Variants in KCNIP4 observed in about 807,000 individuals in gnomAD.
KCNIP4 encodes potassium voltage-gated channel interacting protein 4, also known as Kv channel-interacting protein 4.
In KCNIP4, 12 loss-of-function variants were observed where a neutral mutation model predicts 34.0. That is an observed-to-expected ratio of 0.35 (90% confidence interval 0.23 to 0.57). The LOEUF (loss-of-function observed/expected upper bound fraction) is 0.57. Ranked by LOEUF, KCNIP4 falls within the 20% of genes least tolerant of loss-of-function variation. The pLI is 0.83. For synonymous variants in KCNIP4, 124 were observed against 102.2 expected (o/e 1.21, Z -1.29); for missense variants, 238 against 311.7 (o/e 0.76, Z 1.78).
intron 1 of KCNIP4, among the ~76,000 whole-genome samples, chr4:21,499,176 C>CA (rs1175537291): frequency 6.6e-6 from 1 of 151,810 alleles, no homozygotes; most frequent in Non-Finnish European, 1.5e-5. Flanking sequence ...ACTAAAAATA[C>CA]AAAAATTAGT....
intron 1 of KCNIP4, among the ~76,000 whole-genome samples, chr4:21,362,389 GAA>G: frequency 6.6e-6 from 1 of 152,186 alleles, no homozygotes; most frequent in Non-Finnish European, 1.5e-5. Context: ...TCATAAAATT[GAA>G]ATAATAAGGA....
At chr4:20,966,200 C>A (rs1734331119) in intron 1 of KCNIP4, among the ~76,000 whole-genome samples, 1 of 152,086 alleles carries the variant, frequency 6.6e-6, no homozygotes, top group Admixed American at 6.6e-5. Context: ...TGCATTTTCC[C>A]CTGTAATTTG....
chr4:21,081,643 G>C (rs947926318), intron 1 of KCNIP4, among the ~76,000 whole-genome samples: 9 of 151,748 alleles, frequency 5.9e-5, no homozygotes, highest in Admixed American at 2.0e-4. Flanking sequence ...TGTGTTTTCT[G>C]TCAGTAATTT....
chr4:20,806,741 A>G (rs189463341), intron 3 of KCNIP4, among the ~76,000 whole-genome samples: 69 of 152,240 alleles, frequency 4.5e-4, no homozygotes, highest in African/African-American at 1.6e-3. Context: ...ATTTCAAAAG[A>G]TATTAAATAT....
chr4:21,673,525 T>C (rs1439429039), intron 1 of KCNIP4, among the ~76,000 whole-genome samples: 3 of 152,180 alleles, frequency 2.0e-5, no homozygotes, highest in Admixed American at 6.5e-5. Flanking sequence ...TAGAATGGCA[T>C]ATTTAAAAAA....
intron 1 of KCNIP4, among the ~76,000 whole-genome samples, chr4:21,106,486 C>G (rs559893659): frequency 6.1e-4 from 92 of 151,602 alleles, no homozygotes; most frequent in Non-Finnish European, 1.2e-3. Flanking sequence ...ATTCTTCTCT[C>G]TTTTATTCTT....
intron 1 of KCNIP4, among the ~76,000 whole-genome samples, chr4:21,644,267 A>G (rs922850301): frequency 6.6e-6 from 1 of 152,094 alleles, no homozygotes; most frequent in Admixed American, 6.6e-5. Context: ...AATCAAATCT[A>G]ATATTACTTT....
chr4:21,643,862 G>A (rs1172079379), intron 1 of KCNIP4, among the ~76,000 whole-genome samples: 1 of 115,014 alleles, frequency 8.7e-6, no homozygotes, highest in Non-Finnish European at 1.9e-5. Context: ...GATAGGTGAT[G>A]ATGATGATGA....
intron 1 of KCNIP4, among the ~76,000 whole-genome samples, chr4:21,140,015 G>A (rs1021586213): frequency 5.3e-5 from 8 of 152,222 alleles, no homozygotes; most frequent in African/African-American, 1.9e-4. Context: ...GATGTCCCTG[G>A]AGAGTCAATT....
chr4:21,412,400 C>T (rs1724584944), intron 1 of KCNIP4, among the ~76,000 whole-genome samples: 1 of 152,150 alleles, frequency 6.6e-6, no homozygotes, highest in Non-Finnish European at 1.5e-5. Context: ...ACCTCAGTTC[C>T]TCACAGAAAT....
intron 1 of KCNIP4, among the ~76,000 whole-genome samples, chr4:21,144,628 T>G (rs1017017061): frequency 6.6e-6 from 1 of 152,186 alleles, no homozygotes; most frequent in South Asian, 2.1e-4. Context: ...ACTACTTCCG[T>G]TGTTCCATAG....
At chr4:21,059,500 C>A (rs1346375740) in intron 1 of KCNIP4, among the ~76,000 whole-genome samples, 1 of 152,062 alleles carries the variant, frequency 6.6e-6, no homozygotes, top group Non-Finnish European at 1.5e-5. Context: ...ACAGTCTATT[C>A]TAGGACCATT....
intron 1 of KCNIP4, among the ~76,000 whole-genome samples, chr4:21,343,191 A>C (rs1716928785): frequency 6.6e-6 from 1 of 152,160 alleles, no homozygotes; most frequent in Non-Finnish European, 1.5e-5. Flanking sequence ...AAATAGGCTT[A>C]AATAGAAAAA....
At chr4:20,821,478 A>G (rs1176925389) in intron 3 of KCNIP4, among the ~76,000 whole-genome samples, 4 of 152,112 alleles carry the variant, frequency 2.6e-5, no homozygotes, top group Admixed American at 2.0e-4. Context: ...GACTCTGGAC[A>G]TTATTTTTAT....
intron 1 of KCNIP4, among the ~76,000 whole-genome samples, chr4:21,763,971 T>G (rs1483076153): frequency 6.6e-6 from 1 of 152,098 alleles, no homozygotes; most frequent in Non-Finnish European, 1.5e-5. Context: ...TGCCAGGAAC[T>G]CCAGATCACA....
chr4:20,926,510 G>T, intron 1 of KCNIP4, among the ~76,000 whole-genome samples: 1 of 152,200 alleles, frequency 6.6e-6, no homozygotes, highest in South Asian at 2.1e-4. Context: ...ACCTTCAGCT[G>T]CATTCATGAA....
At chr4:21,760,194 C>A (rs1431326561) in intron 1 of KCNIP4, among the ~76,000 whole-genome samples, 1 of 152,064 alleles carries the variant, frequency 6.6e-6, no homozygotes, top group Non-Finnish European at 1.5e-5. Context: ...AGCTTCCTTT[C>A]TTAACATTTA....
intron 3 of KCNIP4, among the ~76,000 whole-genome samples, chr4:20,807,748 A>T (rs553318353): frequency 6.6e-6 from 1 of 152,264 alleles, no homozygotes; most frequent in Non-Finnish European, 1.5e-5. Flanking sequence ...GTGCTCAGTA[A>T]CTCATCCCCA....
intron 3 of KCNIP4, among the ~76,000 whole-genome samples, chr4:20,827,799 C>A: frequency 1.8e-5 from 2 of 110,594 alleles, no homozygotes; most frequent in African/African-American, 3.7e-5. Flanking sequence ...CAAAATTACC[C>A]ATCCCCCTCA....
Sources: allele counts gnomAD v4.1 joint callset (sites outside exome capture counted in the v4.1 genomes callset), GRCh38; gene constraint gnomAD v4.1.1; transcripts MANE v1.5; gene names NCBI Gene and HGNC (gene_info 2026-07-23, HGNC 2026-07-21).